Variants in PEX10 observed in about 807,000 individuals in gnomAD.
PEX10 encodes peroxisomal biogenesis factor 10, also known as peroxisome biogenesis factor 10.
Under a neutral mutation model 38.0 loss-of-function variants are expected in PEX10, and 32 were observed. The observed-to-expected ratio is 0.84, with a 90% CI of 0.63 to 1.13. The LOEUF is 1.13. PEX10 is among the 50% of genes most tolerant of loss of function. The probability of loss-of-function intolerance (pLI) is 0.00; values close to 1 mark genes in which losing one functional copy is unlikely to be tolerated. For synonymous variants in PEX10, 206 were observed against 207.3 expected, an observed-to-expected ratio of 0.99 and a Z score of 0.05; for missense variants, 483 against 457.7, an observed-to-expected ratio of 1.06 and a Z score of -0.51.
rs368143757 is a variant in PEX10 at position 2,406,855 on chromosome 1, C to A, written c.641G>T (p.Arg214Leu). 3 of 1,609,860 alleles carry A rather than the reference C, an allele frequency of 1.9e-6. No individual in the cohort carries two copies. Among genetic ancestry groups the A allele is most frequent in the Admixed American group, 1.7e-5 (1 of 59,608 alleles). Residue 214 changes from arginine to leucine, a missense_variant, in exon 4 of 6, where the codon CGT (arginine) becomes CTT (leucine). Transcript: ENST00000447513. ...GACCCCCAGCAGCCTGTAGCTAACA[C>A]GGGCCCTCAGGTCCTCTCCGGGCAG... ...RSLPGEDLRARVSYRLLGVIS... is the reference protein window; with the variant it reads ...RSLPGEDLRALVSYRLLGVIS...
Position 2,408,853 on chromosome 1 carries a change from G to A in PEX10, c.199C>T (p.Gln67Ter). ...CTGACGTACTCCTCCCCCAGGGTCT[G>A]GTAGCCTGCGAGGAAGAGGATGGGT... Reference protein sequence around the residue: ...YFGLTTLAGYQTLGEEYVSII... With the variant: ...YFGLTTLAGY Residue 67 changes from glutamine to a stop codon, truncating the protein, a stop_gained, in exon 3 of 6, where the codon CAG becomes TAG. Coordinates refer to ENST00000447513, the MANE Select transcript of PEX10 (RefSeq NM_002617.4). LOFTEE classifies it high-confidence loss of function. The A allele has an allele frequency of 6.2e-7, 1 of 1,614,000 alleles. No homozygotes were observed. The highest frequency in any genetic ancestry group is 8.5e-7 in the Non-Finnish European group (1 of 1,179,914).
chr1:2,412,135 T>C (rs1643254336), intron 1 of PEX10, among the ~76,000 whole-genome samples: 2 of 152,202 alleles, frequency 1.3e-5, no homozygotes, highest in African/African-American at 4.8e-5. Flanking sequence ...GGGAAGGGCT[T>C]GGGCGGGAAC....
rs2100422638 is a variant in PEX10 at position 2,406,767 on chromosome 1, C to G, written c.729G>C (p.Gln243His). ...GLQLYGFRQR[Q>H]RARKEWRLHR... Reference sequence around the variant, plus strand: ...GCAGCCTCCACTCCTTCCTGGCTCGCTGCCGCTGCCTGAAACCGTACAGCT... The same window carrying G: ...GCAGCCTCCACTCCTTCCTGGCTCGGTGCCGCTGCCTGAAACCGTACAGCT... Residue 243 changes from glutamine (Q) to histidine (H), a missense_variant, in exon 4 of 6, where the codon CAG (glutamine) becomes CAC (histidine). Gln to His is a conservative substitution (Grantham distance 24). Transcript: ENST00000447513. 1 of 1,609,648 alleles carries G rather than the reference C, an allele frequency of 6.2e-7. No homozygotes were observed. Among genetic ancestry groups the G allele is most frequent in the African/African-American group, 1.3e-5 (1 of 75,008 alleles).
upstream of PEX10, among the ~76,000 whole-genome samples, chr1:2,412,848 G>C (rs1643314541): frequency 6.6e-6 from 1 of 152,148 alleles, no homozygotes; most frequent in Admixed American, 6.5e-5. Context: ...CTGCGACCTC[G>C]GGGTCCTACG....
intron 3 of PEX10, 83 bp from the exon 4 acceptor site, chr1:2,406,978 T>C (rs1473139850): frequency 1.3e-6 from 2 of 1,540,410 alleles, no homozygotes; most frequent in Non-Finnish European, 1.8e-6. Context: ...CACGTTCAGT[T>C]GGCACAGAGC....
rs1129333 is a variant in PEX10 at position 2,404,237 on chromosome 1, A to G, written c.*1529T>C. 0.82 allele frequency: 125,156 copies of G among 152,190 alleles called. 52,526 individuals carry two copies. The highest frequency in any genetic ancestry group is 0.91 in the Non-Finnish European group (61,877 of 68,022). 9.4% of individuals were successfully genotyped at this position (152,190 alleles called of 1,614,324 possible). Reference sequence around the variant, plus strand: ...ATGCTTAGTGTCTGGATTTTCTTGTACCAGTGTTTACATATCTGACATCGA... The same window carrying G: ...ATGCTTAGTGTCTGGATTTTCTTGTGCCAGTGTTTACATATCTGACATCGA... On this transcript the variant is annotated 3_prime_UTR_variant, in exon 6 of 6. Transcript: ENST00000447513.
rs764748388 is a variant in PEX10 at position 2,406,807 on chromosome 1, A to G, written c.689T>C (p.Leu230Pro). 2.5e-6 allele frequency: 4 copies of G among 1,611,138 alleles called. No individual in the cohort carries two copies. Among genetic ancestry groups the G allele is most frequent in the Non-Finnish European group, 8.5e-7 (1 of 1,179,120 alleles). Residue 230 changes from leucine (L) to proline (P), a missense_variant, in exon 4 of 6, where the codon CTG becomes CCG. By Grantham distance (98) the Leu-to-Pro change is moderately conservative (BLOSUM62 -3). Coordinates refer to ENST00000447513, the MANE Select transcript of PEX10 (RefSeq NM_002617.4). ...ACCGTACAGCTGCAGCCCCATGGACAGCACCAGGTGCAGCAGTGAGATGAC... is the reference window on the plus strand; with the variant it reads ...ACCGTACAGCTGCAGCCCCATGGACGGCACCAGGTGCAGCAGTGAGATGAC... ...LGVISLLHLV[L>P]SMGLQLYGFR...
chr1:2,412,851 G>T (rs1254793286), upstream of PEX10, among the ~76,000 whole-genome samples: 1 of 152,116 alleles, frequency 6.6e-6, no homozygotes, highest in African/African-American at 2.4e-5. Context: ...CGACCTCGGG[G>T]TCCTACGCTG....
chr1:2,412,450 T>C lies in PEX10; in HGVS notation c.53A>G (p.Asp18Gly). Residue 18 changes from aspartate to glycine, a missense_variant, in exon 1 of 6, where the codon GAC (aspartate) becomes GGC (glycine). By Grantham distance (94) the Asp-to-Gly change is moderately conservative. Coordinates refer to ENST00000447513, the MANE Select transcript of PEX10 (RefSeq NM_002617.4). ...PPEVIRAAQK[D>G]EYYRGGLRSA... Reference sequence around the variant, plus strand: ...CCGCAGCCCACCGCGGTAGTACTCGTCCTTCTGCGCCGCGCGGATCACCTC... The same window carrying C: ...CCGCAGCCCACCGCGGTAGTACTCGCCCTTCTGCGCCGCGCGGATCACCTC... The C allele has an allele frequency of 7.0e-7, 1 of 1,428,798 alleles. No individual in the cohort carries two copies. Among genetic ancestry groups the C allele is most frequent in the Non-Finnish European group, 9.1e-7 (1 of 1,095,112 alleles). The allele number at this position is 1,428,798 out of a possible 1,614,324, so 88.5% of individuals were successfully genotyped here. A position where few individuals can be genotyped will look rare whatever the true frequency, so the allele number is the denominator to read the frequency against.
At chr1:2,405,925 C>G (rs1642985118) in intron 5 of PEX10, 91 bp from the exon 6 acceptor site, 2 of 941,924 alleles carry the variant, frequency 2.1e-6, no homozygotes, top group South Asian at 2.8e-5. Flanking sequence ...ACATTCTCTG[C>G]ACATGACACA....
Position 2,406,567 on chromosome 1 carries a change from GGCACAGGGT to G in PEX10, c.820_828del (p.Thr274_Cys276del), listed in dbSNP as rs757974161. The G allele has an allele frequency of 1.2e-6, 2 of 1,613,390 alleles. No individual in the cohort carries two copies. Among genetic ancestry groups the G allele is most frequent in the South Asian group, 1.1e-5 (1 of 91,088 alleles). ...GCTGTTGGGTGCCTGCGCTCCTCCAGGCACAGGGTGCACAGGGGGTTTCTGGAAACGGCT... is the reference window on the plus strand; with the variant it reads ...GCTGTTGGGTGCCTGCGCTCCTCCAGGCACAGGGGGTTTCTGGAAACGGCT... On this transcript the variant is annotated inframe_deletion, in exon 5 of 6. Coordinates refer to ENST00000447513, the MANE Select transcript of PEX10 (RefSeq NM_002617.4).
At chr1:2,405,897 G>T in intron 5 of PEX10, 63 bp from the exon 6 acceptor site, 2 of 1,304,986 alleles carry the variant, frequency 1.5e-6, no homozygotes, top group Non-Finnish European at 1.1e-6. Flanking sequence ...ATCCCCATCG[G>T]CATTTCTTTT....
At chr1:2,412,809 A>AGCGGGATGGGCTCGCGGCC (rs1553233133), upstream of PEX10, among the ~76,000 whole-genome samples, 1 of 152,064 alleles carries the variant, frequency 6.6e-6, no homozygotes, top group African/African-American at 2.4e-5. Flanking sequence ...CTGGCGAGGC[A>AGCGGGATGGGCTCGCGGCC]GCGGGATGGG....
intron 1 of PEX10, among the ~76,000 whole-genome samples, chr1:2,411,999 C>G (rs1052961575): frequency 1.3e-5 from 2 of 152,254 alleles, no homozygotes; most frequent in African/African-American, 4.8e-5. Flanking sequence ...CGCGGGCGCT[C>G]TGACCCCTCT....
chr1:2,406,405 C>T (rs1643003170), intron 5 of PEX10, 79 bp downstream of exon 5: 2 of 1,579,524 alleles, frequency 1.3e-6, no homozygotes, highest in African/African-American at 2.7e-5. Flanking sequence ...AGCCAGACTC[C>T]CCACTTCTGC....
At position 2,410,936 on chromosome 1, in the gene PEX10, A is replaced by G. The variant is rs1447933070; in HGVS notation, c.113-485T>C. ...TGGGAACAGTGTCTGGCACAGGGGT[A>G]AGTGCCAAGTGTACTGTAAAACAAG... On this transcript the variant is annotated intron_variant, in intron 1 of 5. Coordinates refer to ENST00000447513, the MANE Select transcript of PEX10 (RefSeq NM_002617.4). The surrounding 1 kb of genome is among the most constrained non-coding windows in gnomAD (Gnocchi z 5.1). 5 of 452,202 alleles carry G rather than the reference A, an allele frequency of 1.1e-5. No homozygotes were observed. The highest frequency in any genetic ancestry group is 2.2e-5 in the Non-Finnish European group (5 of 223,902). The allele number at this position is 452,202 out of a possible 1,614,324, so 28.0% of individuals were successfully genotyped here.
In PEX10 at chr1:2,406,463, G is replaced by A. The variant is rs763969391; in HGVS notation, c.912+21C>T. ...GCACAGCCGCTGACCACCCCAGGAC[G>A]GCAGCAGGCTCCCACCTCACCTTGC... On this transcript the variant is annotated intron_variant, in intron 5 of 5. Transcript: ENST00000447513. 8 of 1,609,148 alleles carry A rather than the reference G, an allele frequency of 5.0e-6. No homozygotes were observed. The African/African-American group carries it at 5.3e-5, about 11-fold the overall frequency.
At position 2,404,954 on chromosome 1, in the gene PEX10, G is replaced by A. The variant is rs1009572932; in HGVS notation, c.*812C>T. 5 of 154,242 alleles carry A rather than the reference G, an allele frequency of 3.2e-5. No homozygotes were observed. Among genetic ancestry groups the A allele is most frequent in the African/African-American group, 9.6e-5 (4 of 41,476 alleles). The allele number at this position is 154,242 out of a possible 1,614,324, so 9.6% of individuals were successfully genotyped here. A position where few individuals can be genotyped will look rare whatever the true frequency, so the allele number is the denominator to read the frequency against. On this transcript the variant is annotated 3_prime_UTR_variant, in exon 6 of 6. Transcript: ENST00000447513. Reference sequence around the variant, plus strand: ...CCGAGCTGAGGGGCTGAACACAGCAGTGACCGTGGGTCAGCAGGTCGCCTG... The same window carrying A: ...CCGAGCTGAGGGGCTGAACACAGCAATGACCGTGGGTCAGCAGGTCGCCTG...
rs1414794560 is a variant in PEX10 at position 2,408,869 on chromosome 1, G to A, written c.194-11C>T. Reference sequence around the variant, plus strand: ...CCAGGGTCTGGTAGCCTGCGAGGAAGAGGATGGGTATGTGGACCCTGAGAC... The same window carrying A: ...CCAGGGTCTGGTAGCCTGCGAGGAAAAGGATGGGTATGTGGACCCTGAGAC... On this transcript the variant is annotated splice_polypyrimidine_tract_variant and intron_variant, in intron 2 of 5. Coordinates refer to ENST00000447513, the MANE Select transcript of PEX10 (RefSeq NM_002617.4). The A allele has an allele frequency of 5.0e-6, 8 of 1,613,690 alleles. No homozygotes were observed. The highest frequency in any genetic ancestry group is 1.7e-6 in the Non-Finnish European group (2 of 1,179,826).
Sources: gnomAD v4.1 joint callset for allele counts (sites outside exome capture counted in the v4.1 genomes callset) on GRCh38, gnomAD v4.1.1 for gene constraint, Gnocchi (gnomAD v3.1) non-coding constraint, MANE v1.5 for transcripts, NCBI Gene and HGNC (gene_info 2026-07-23, HGNC 2026-07-21) for gene names.